TFR2: variants seen among roughly 807,000 people sequenced by gnomAD.
The protein encoded by TFR2 is transferrin receptor protein 2.
A neutral mutation model predicts 91.9 loss-of-function variants in TFR2; 64 were observed. The ratio of observed to expected loss-of-function variants is 0.70; its 90% CI spans 0.57 to 0.86. TFR2 has a LOEUF of 0.86. TFR2 is among the 40% of genes least tolerant of loss of function. TFR2 has a pLI of 0.00. For missense variants in TFR2, 950 were observed against 1,080.5 expected (o/e 0.88, Z 1.69); for synonymous variants, 454 against 459.6 (o/e 0.99, Z 0.15).
chr7:100,636,742 A>G (rs1245161613), intron 3 of TFR2, among the ~76,000 whole-genome samples: 1 of 151,564 alleles, frequency 6.6e-6, no homozygotes, highest in Admixed American at 6.6e-5. Context: ...CTCCACATGT[A>G]TCATCTCCCC....
At chr7:100,632,738 CTTTTTT>C (rs35046097) in intron 6 of TFR2, 6 of 184,792 alleles carry the variant, frequency 3.2e-5, no homozygotes, top group South Asian at 9.3e-5. Context: ...AAAAAAGAAC[CTTTTTT>C]TTTTTTTTTT....
At chr7:100,631,200 G>C in intron 8 of TFR2, 148 bp from the exon 9 acceptor site, 1 of 939,358 alleles carries the variant, frequency 1.1e-6, no homozygotes, top group South Asian at 1.8e-5. Flanking sequence ...TGCAGTCAGG[G>C]CTGCCTTGGA....
chr7:100,631,229 G>A (rs1404880059), intron 8 of TFR2, among the ~76,000 whole-genome samples, 177 bp from the exon 9 acceptor site: 1 of 151,900 alleles, frequency 6.6e-6, no homozygotes, highest in Non-Finnish European at 1.5e-5. Context: ...AGCTGAGGTA[G>A]GTGTGCAATC....
chr7:100,640,434 C>A, intron 3 of TFR2: 1 of 562,172 alleles, frequency 1.8e-6, no homozygotes, highest in Admixed American at 3.1e-5. Context: ...TGCTGCACCC[C>A]TCTGATCTCA....
At chr7:100,627,865 C>A (rs377429498) in intron 13 of TFR2, 42 bp downstream of exon 13, 5 of 1,614,022 alleles carry the variant, frequency 3.1e-6, no homozygotes, top group Non-Finnish European at 4.2e-6. Context: ...CTCCTCCCCG[C>A]AACCTACTCC....
At chr7:100,624,535 G>A (rs1483820542) in intron 17 of TFR2, among the ~76,000 whole-genome samples, 2 of 76,756 alleles carry the variant, frequency 2.6e-5, no homozygotes, top group South Asian at 3.6e-4. Flanking sequence ...GCCATAGAGA[G>A]CGTGAAAACC....
chr7:100,634,937 CTTTCTTT>C (rs1241177860), intron 3 of TFR2, among the ~76,000 whole-genome samples: 1 of 151,836 alleles, frequency 6.6e-6, no homozygotes, highest in Admixed American at 6.6e-5. Context: ...TTTTTTCTTT[CTTTCTTT>C]CTTTTTTTTT....
chr7:100,634,297 G>T (rs983404638), intron 3 of TFR2, among the ~76,000 whole-genome samples: 1 of 151,534 alleles, frequency 6.6e-6, no homozygotes, highest in Admixed American at 6.6e-5. Context: ...CCTCCACGTG[G>T]GCCTCATGGA....
chr7:100,633,652 C>G (rs2131321096), intron 3 of TFR2, 96 bp from the exon 4 acceptor site: 5 of 1,116,010 alleles, frequency 4.5e-6, no homozygotes, highest in South Asian at 2.1e-5. Flanking sequence ...GGGGCAGGGG[C>G]GGCGAGGGGT....
At chr7:100,626,024 A>G (rs1803240997) in intron 17 of TFR2, among the ~76,000 whole-genome samples, 1 of 152,152 alleles carries the variant, frequency 6.6e-6, no homozygotes, top group Non-Finnish European at 1.5e-5. Context: ...GGCTCTGTGT[A>G]CACTGCAGTT....
At chr7:100,626,285 C>A (rs1349145068) in intron 17 of TFR2, among the ~76,000 whole-genome samples, 2 of 152,144 alleles carry the variant, frequency 1.3e-5, no homozygotes, top group Admixed American at 1.3e-4. Flanking sequence ...TCACGTGACA[C>A]CTCCTCCAGG....
At chr7:100,634,933 CT>C (rs1329243093) in intron 3 of TFR2, among the ~76,000 whole-genome samples, 2 of 151,646 alleles carry the variant, frequency 1.3e-5, no homozygotes, top group Admixed American at 6.6e-5. Flanking sequence ...TTTCTTTTTT[CT>C]TTCTTTCTTT....
At chr7:100,632,847 A>G (rs1009102060) in intron 6 of TFR2, 154 bp downstream of exon 6, 8 of 1,255,822 alleles carry the variant, frequency 6.4e-6, no homozygotes, top group Non-Finnish European at 9.0e-6. Context: ...CTGGGATTGC[A>G]GGTGAGAACC....
In TFR2 at chr7:100,629,565, A is replaced by C. The variant is rs7457868; in HGVS notation, c.1271-193T>G. Among the ~76,000 whole-genome samples the C allele has an allele frequency of 0.87, 132,299 of 152,074 alleles. 57,818 individuals carry two copies. The highest frequency in any genetic ancestry group is 0.95 in the African/African-American group (39,363 of 41,530). ...GTGTGCTCCTTCAGCTGGGTGCCTG[A>C]GGTCATTCTGGACTTACAAGGTTTC... On this transcript the variant is annotated intron_variant, in intron 9 of 17. Coordinates refer to ENST00000223051, the MANE Select transcript of TFR2 (RefSeq NM_003227.4).
chr7:100,631,983 G>C lies in TFR2; in HGVS notation c.967-38C>G, dbSNP rs376189683. The C allele has an allele frequency of 5.6e-6, 9 of 1,613,948 alleles. No individual in the cohort carries two copies. The African/African-American group carries it at 1.2e-4, about 22-fold the overall frequency. On this transcript the variant is annotated intron_variant, in intron 7 of 17. Transcript: ENST00000223051. ...GGGTGCCCACGCAAAGCTGCGAGCT[G>C]GGCTTCCAGGAAAAACGAAAAACAT...
At chr7:100,634,906 T>G (rs1803545195) in intron 3 of TFR2, among the ~76,000 whole-genome samples, 1 of 152,204 alleles carries the variant, frequency 6.6e-6, no homozygotes, top group Non-Finnish European at 1.5e-5. Context: ...TTATAGTCTT[T>G]CTTTACACAC....
intron 17 of TFR2, among the ~76,000 whole-genome samples, chr7:100,625,315 T>A (rs909947612): frequency 6.6e-6 from 1 of 152,032 alleles, no homozygotes; most frequent in Non-Finnish European, 1.5e-5. Flanking sequence ...CACCTCAGCC[T>A]CCCAAAGTGC....
intron 3 of TFR2, among the ~76,000 whole-genome samples, chr7:100,636,688 G>A (rs1416778776): frequency 2.6e-5 from 4 of 151,938 alleles, no homozygotes; most frequent in East Asian, 1.9e-4. Context: ...TATCCTCGCT[G>A]TACCTGCTCT....
chr7:100,626,832 C>T lies in TFR2; in HGVS notation c.2067G>A (p.Arg689=). 1 of 1,549,684 alleles carries T rather than the reference C, an allele frequency of 6.5e-7. No homozygotes were observed. Among genetic ancestry groups the T allele is most frequent in the Non-Finnish European group, 8.7e-7 (1 of 1,147,004 alleles). ...TCTCCTCCGAGCTGTAGATCTCCTG[C>T]CGCAGCTTTTCCGCCGCCCGGATGT... The part of the protein sequence containing the change: ...GDYIRAAEKL[R]QEIYSSEERD... Residue 689 remains arginine, a synonymous_variant, in exon 17 of 18, where the codon CGG becomes CGA. Coordinates refer to ENST00000223051, the MANE Select transcript of TFR2 (RefSeq NM_003227.4).
Sources: gnomAD v4.1 joint callset for allele counts (sites outside exome capture counted in the v4.1 genomes callset) on GRCh38, gnomAD v4.1.1 for gene constraint, MANE v1.5 for transcripts, NCBI Gene and HGNC (gene_info 2026-07-23, HGNC 2026-07-21) for gene names.